TTC7A: variants seen among roughly 807,000 people sequenced by gnomAD.
TTC7A encodes the protein tetratricopeptide repeat domain 7A, also known as tetratricopeptide repeat protein 7A.
A neutral mutation model predicts 103.7 loss-of-function variants in TTC7A; 110 were observed. The observed-to-expected ratio is 1.06, with a 90% CI of 0.91 to 1.24. TTC7A has a LOEUF of 1.24. Ranked by LOEUF, TTC7A falls within the 50% of genes most tolerant of loss-of-function variation. TTC7A has a pLI of 0.00. For synonymous variants in TTC7A, 521 were observed against 467.9 expected (o/e 1.11, Z -1.47); for missense variants, 1,340 against 1,116.3 (o/e 1.20, Z -2.86).
intron 16 of TTC7A, among the ~76,000 whole-genome samples, chr2:47,047,648 G>A (rs1225416468): frequency 6.6e-6 from 1 of 152,204 alleles, no homozygotes; most frequent in East Asian, 1.9e-4. Context: ...CTCTGTTCCT[G>A]CATCCTTATC....
chr2:46,919,313 C>A (rs1668978711), intron 2 of TTC7A, among the ~76,000 whole-genome samples: 1 of 152,136 alleles, frequency 6.6e-6, no homozygotes, highest in Non-Finnish European at 1.5e-5. Flanking sequence ...GGCGGCAAAT[C>A]ACCTCAGGTC....
chr2:47,050,848 T>C (rs1055484938), intron 17 of TTC7A: 8 of 152,188 alleles, frequency 5.3e-5, no homozygotes, highest in Admixed American at 5.2e-4. Context: ...TGAACAAAGT[T>C]ATTAGGACTC....
intron 3 of TTC7A, among the ~76,000 whole-genome samples, chr2:46,968,158 G>C (rs775547678): frequency 6.6e-6 from 1 of 152,236 alleles, no homozygotes; most frequent in African/African-American, 2.4e-5. Context: ...GACCAGCCTG[G>C]TGTTGGGCCT....
At chr2:47,049,906 A>G in intron 16 of TTC7A, 43 bp from the exon 17 acceptor site, 1 of 1,488,938 alleles carries the variant, frequency 6.7e-7, no homozygotes, top group Non-Finnish European at 9.4e-7. Flanking sequence ...CTGTGATGCT[A>G]GCCCTCTACC....
chr2:46,961,651 T>C (rs1034613237), intron 3 of TTC7A, among the ~76,000 whole-genome samples: 1 of 151,834 alleles, frequency 6.6e-6, no homozygotes, highest in Non-Finnish European at 1.5e-5. Flanking sequence ...ATGCCTGTAA[T>C]CCCAGCACTT....
chr2:46,966,743 T>A lies in TTC7A; in HGVS notation c.518-8230T>A, dbSNP rs1672886087. ...CTGGGCTCAAGCAATCCTCCCACCT[T>A]ACCCTCCCAAAGTGCTGGGATTACA... On this transcript the variant is annotated intron_variant, in intron 3 of 19. Coordinates refer to ENST00000319190, the MANE Select transcript of TTC7A (RefSeq NM_020458.4). Among the ~76,000 whole-genome samples, 13 of 151,386 alleles carry A rather than the reference T, an allele frequency of 8.6e-5. 1 individual carries two copies. The South Asian group carries it at 2.7e-3, about 32-fold the overall frequency.
chr2:47,005,774 G>A, intron 8 of TTC7A, 148 bp from the exon 9 acceptor site: 1 of 827,722 alleles, frequency 1.2e-6, no homozygotes, highest in Non-Finnish European at 1.9e-6. Flanking sequence ...ATAGGAAAAG[G>A]CCATTTCTGG....
At chr2:46,980,153 A>G (rs552058426) in intron 5 of TTC7A, among the ~76,000 whole-genome samples, 33 of 150,812 alleles carry the variant, frequency 2.2e-4, no homozygotes, top group Non-Finnish European at 3.8e-4. Context: ...TGATTGTTGC[A>G]TATGGTACTT....
At chr2:47,000,723 T>C (rs1364552552) in intron 8 of TTC7A, among the ~76,000 whole-genome samples, 7 of 152,138 alleles carry the variant, frequency 4.6e-5, no homozygotes, top group African/African-American at 1.4e-4. Flanking sequence ...TGGGGTAGTT[T>C]TGCGGGGGCT....
intron 11 of TTC7A, 98 bp from the exon 12 acceptor site, chr2:47,021,764 G>A (rs1384646557): frequency 4.3e-6 from 4 of 927,516 alleles, no homozygotes; most frequent in Non-Finnish European, 7.0e-6. Context: ...GTGACCTTGA[G>A]CACAAGGCTT....
chr2:47,073,843 GTTGACTGCTTCCTCACCGCCC>G lies in TTC7A; in HGVS notation c.2502_2522del (p.Asp834_Leu840del). 6.2e-7 allele frequency: 1 copy of G among 1,613,774 alleles called. No homozygotes were observed. The highest frequency in any genetic ancestry group is 8.5e-7 in the Non-Finnish European group (1 of 1,180,018). On this transcript the variant is annotated inframe_deletion, in exon 20 of 20. Transcript: ENST00000319190. ...GGCCCAGGGCCAGAACGAGGCTGCC[GTTGACTGCTTCCTCACCGCCC>G]TTGAGCTGGAGGCCAGCAGCCCTGT...
chr2:47,012,539 T>C (rs942562937), intron 11 of TTC7A, among the ~76,000 whole-genome samples: 1 of 152,204 alleles, frequency 6.6e-6, no homozygotes, highest in Non-Finnish European at 1.5e-5. Flanking sequence ...AGGCTCTGGG[T>C]GCATGCAGCA....
chr2:47,029,330 A>G lies in TTC7A; in HGVS notation c.1748A>G (p.Gln583Arg), dbSNP rs762451470. ...ALLFSAQKHH[Q>R]HALDVVNMAI... is the part of the protein sequence containing the mutation. ...CTCTTCTCTGCCCAGAAGCACCACC[A>G]GCATGCCCTGGATGTTGTCAACATG... is the stretch of plus-strand genomic sequence containing the variant. The change falls in exon 15 of 20, where the codon CAG (glutamine) becomes CGG (arginine). Residue 583 changes from glutamine to arginine, a missense_variant. Transcript: ENST00000319190. 1 of 1,614,094 alleles carries G rather than the reference A, an allele frequency of 6.2e-7. No homozygotes were observed. The highest frequency in any genetic ancestry group is 1.7e-5 in the Admixed American group (1 of 60,034).
At position 47,046,938 on chromosome 2, in the gene TTC7A, G is replaced by T. The variant is rs1682386797; in HGVS notation, c.1919+507G>T. The T allele has an allele frequency of 3.1e-5, 9 of 288,630 alleles. No homozygotes were observed. In the South Asian group the frequency reaches 6.0e-4, roughly 19 times the overall value. The allele number at this position is 288,630 out of a possible 1,614,324, so 17.9% of individuals were successfully genotyped here. The stretch of plus-strand genomic sequence containing the variant: ...TTGGAGGCTAGAAGAGGAGGAGGAG[G>T]TGTACTCCTGAAGGGCCACCCCTTC... On this transcript the variant is annotated intron_variant, in intron 16 of 19. Coordinates refer to ENST00000319190, the MANE Select transcript of TTC7A (RefSeq NM_020458.4).
At chr2:46,964,054 T>A (rs1462614444) in intron 3 of TTC7A, among the ~76,000 whole-genome samples, 1 of 152,160 alleles carries the variant, frequency 6.6e-6, no homozygotes, top group East Asian at 1.9e-4. Context: ...GCAGAAATGA[T>A]TCACCTCAGG....
chr2:47,037,699 A>G (rs1187279003), intron 15 of TTC7A, among the ~76,000 whole-genome samples: 1 of 152,194 alleles, frequency 6.6e-6, no homozygotes. Context: ...TTGCTGCATT[A>G]GCTCTGTAAT....
Position 46,941,359 on chromosome 2 carries a change from TG to T in TTC7A, c.-182del, listed in dbSNP as rs1403515417. The T allele has an allele frequency of 1.1e-5, 4 of 355,798 alleles. No homozygotes were observed. The East Asian group carries it at 3.6e-4, about 32-fold the overall frequency. 22.0% of individuals were successfully genotyped at this position (355,798 alleles called of 1,614,324 possible). On this transcript the variant is annotated 5_prime_UTR_variant, in exon 1 of 20. Transcript: ENST00000319190. The surrounding 1 kb of genome is among the most constrained non-coding windows in gnomAD (Gnocchi z 4.2). The stretch of plus-strand genomic sequence containing the variant: ...AGGCGCCGGGCGGTGCGCTGGGAGC[TG>T]CTGGTGCTGCTGCTGCTGCTGCTGC...
chr2:46,919,718 G>C, intron 2 of TTC7A, among the ~76,000 whole-genome samples: 1 of 152,226 alleles, frequency 6.6e-6, no homozygotes, highest in East Asian at 1.9e-4. Flanking sequence ...ACAGGGAGTA[G>C]GATGCAAAAG....
intron 16 of TTC7A, 70 bp from the exon 17 acceptor site, chr2:47,049,879 C>T: frequency 8.4e-7 from 1 of 1,186,492 alleles, no homozygotes; most frequent in Non-Finnish European, 1.2e-6. Flanking sequence ...GATGCTGGCC[C>T]TCTACCTCAC....
Sources: allele counts gnomAD v4.1 joint callset (sites outside exome capture counted in the v4.1 genomes callset), GRCh38; gene constraint gnomAD v4.1.1; non-coding constraint Gnocchi (gnomAD v3.1); transcripts MANE v1.5; gene names NCBI Gene and HGNC (gene_info 2026-07-23, HGNC 2026-07-21).